ILDR2: variants seen among roughly 807,000 people sequenced by gnomAD.
The protein encoded by ILDR2 is immunoglobulin like domain containing receptor 2, also known as immunoglobulin-like domain-containing receptor 2.
A neutral mutation model predicts 66.8 loss-of-function variants in ILDR2; 25 were observed. That is an observed-to-expected ratio of 0.37 (90% CI 0.27 to 0.52). The LOEUF is 0.52. ILDR2 is among the 20% of genes least tolerant of loss of function. ILDR2 has a pLI of 0.88. For missense variants in ILDR2, 827 were observed against 876.8 expected (o/e 0.94, Z 0.72); for synonymous variants, 367 against 357.2 (o/e 1.03, Z -0.31).
At chr1:166,920,571 G>A (rs1422458290) in intron 9 of ILDR2, 136 bp downstream of exon 9, 6 of 993,804 alleles carry the variant, frequency 6.0e-6, no homozygotes, top group South Asian at 3.1e-5. Flanking sequence ...ACTCGCCCAG[G>A]CAGGCCCCTG....
At chr1:166,965,664 CT>C (rs1662907935) in intron 1 of ILDR2, among the ~76,000 whole-genome samples, 1 of 150,796 alleles carries the variant, frequency 6.6e-6, no homozygotes, top group Admixed American at 6.6e-5. Context: ...CCTCTGTCTC[CT>C]GGGTTCAAGT....
chr1:166,940,104 T>C (rs1342035313), intron 3 of ILDR2, among the ~76,000 whole-genome samples: 2 of 152,206 alleles, frequency 1.3e-5, no homozygotes, highest in African/African-American at 4.8e-5. Flanking sequence ...ACTAGATCAG[T>C]TACACATTCC....
rs1409502877 is a variant in ILDR2 at position 166,908,452 on chromosome 1, A to T, written c.*10903T>A. 1.3e-5 allele frequency: 2 copies of T among 152,206 alleles called. No individual in the cohort carries two copies. Among genetic ancestry groups the T allele is most frequent in the South Asian group, 2.1e-4 (1 of 4,826 alleles). 9.4% of individuals were successfully genotyped at this position (152,206 alleles called of 1,614,324 possible). On this transcript the variant is annotated 3_prime_UTR_variant, in exon 10 of 10. Transcript: ENST00000271417. ...CATGCCCAAATACCATCACATTAGG[A>T]TTAGGATTTTGACATAAAAATTTGG...
chr1:166,921,000 T>C lies in ILDR2; in HGVS notation c.1591A>G (p.Ser531Gly). The C allele has an allele frequency of 6.7e-7, 1 of 1,500,598 alleles. No individual in the cohort carries two copies. Among genetic ancestry groups the C allele is most frequent in the South Asian group, 1.3e-5 (1 of 79,500 alleles). The allele number at this position is 1,500,598 out of a possible 1,614,324, so 93.0% of individuals were successfully genotyped here. ...APKYDHSYLG[S>G]ARERQARPEG... is the part of the protein sequence containing the mutation. Reference sequence around the variant, plus strand: ...GGCCGCGCCTGGCGCTCCCGCGCGCTGCCCAGGTACGAGTGGTCGTATTTG... The same window carrying C: ...GGCCGCGCCTGGCGCTCCCGCGCGCCGCCCAGGTACGAGTGGTCGTATTTG... The change falls in exon 9 of 10, where the codon AGC (serine) becomes GGC (glycine). Residue 531 changes from serine to glycine, a missense_variant. Ser to Gly is a moderately conservative substitution (Grantham distance 56). Coordinates refer to ENST00000271417, the MANE Select transcript of ILDR2 (RefSeq NM_199351.3).
At chr1:166,953,906 G>A (rs977165586) in intron 3 of ILDR2, among the ~76,000 whole-genome samples, 3 of 152,198 alleles carry the variant, frequency 2.0e-5, no homozygotes, top group Non-Finnish European at 4.4e-5. Context: ...ATCTTTAGAT[G>A]TCTCCAGTTG....
intron 1 of ILDR2, among the ~76,000 whole-genome samples, chr1:166,967,021 CCTT>C: frequency 6.6e-6 from 1 of 152,374 alleles, no homozygotes; most frequent in East Asian, 1.9e-4. Flanking sequence ...CTAACCATCT[CCTT>C]CTTCCTTTCA....
intron 6 of ILDR2, among the ~76,000 whole-genome samples, chr1:166,931,326 ATAAGC>A (rs1660628010): frequency 6.6e-6 from 1 of 152,252 alleles, no homozygotes; most frequent in Non-Finnish European, 1.5e-5. Flanking sequence ...TCCTATCTTA[ATAAGC>A]TAAGTAAAGC....
intron 3 of ILDR2, among the ~76,000 whole-genome samples, chr1:166,948,327 C>T (rs1315195368): frequency 6.6e-6 from 1 of 152,168 alleles, no homozygotes; most frequent in Non-Finnish European, 1.5e-5. Context: ...TTAAAAGTCC[C>T]CCCTTTTCAC....
At position 166,909,736 on chromosome 1, in the gene ILDR2, CATATATAT is replaced by C. The variant is rs374479063; in HGVS notation, c.*9611_*9618del. On this transcript the variant is annotated 3_prime_UTR_variant, in exon 10 of 10. Coordinates refer to ENST00000271417, the MANE Select transcript of ILDR2 (RefSeq NM_199351.3). ...ATATATATGTGTGTGTGTATACATA[CATATATAT>C]ATATATATATATATAAATATATATA... 1.1e-3 allele frequency: 109 copies of C among 100,888 alleles called. 2 individuals are homozygous for C. The highest frequency in any genetic ancestry group is 4.3e-3 in the African/African-American group (107 of 24,934). The allele number at this position is 100,888 out of a possible 1,614,324, so 6.2% of individuals were successfully genotyped here.
rs2101841425 is a variant in ILDR2 at position 166,917,924 on chromosome 1, C to A, written c.*1431G>T. The A allele has an allele frequency of 2.0e-5, 3 of 152,298 alleles. No homozygotes were observed. In the Middle Eastern group the frequency reaches 0.01, roughly 518 times the overall value. The allele number at this position is 152,298 out of a possible 1,614,324, so 9.4% of individuals were successfully genotyped here. A position where few individuals can be genotyped will look rare whatever the true frequency, so the allele number is the denominator to read the frequency against. On this transcript the variant is annotated 3_prime_UTR_variant, in exon 10 of 10. Coordinates refer to ENST00000271417, the MANE Select transcript of ILDR2 (RefSeq NM_199351.3). The stretch of plus-strand genomic sequence containing the variant: ...ATGGTAGTTGCAAGGTTCCCAAGAG[C>A]AGCAAAAGAGGACAAGCCCCATGCA...
intron 3 of ILDR2, among the ~76,000 whole-genome samples, chr1:166,950,544 T>C (rs1453589915): frequency 6.6e-6 from 1 of 152,156 alleles, no homozygotes; most frequent in Non-Finnish European, 1.5e-5. Flanking sequence ...CATTTCTGCA[T>C]AGCCTTAAGA....
chr1:166,956,654 G>A (rs1662301080), intron 3 of ILDR2, 79 bp downstream of exon 3: 1 of 1,517,900 alleles, frequency 6.6e-7, no homozygotes. Flanking sequence ...GCACACAGGG[G>A]AGAAGTGAGA....
intron 3 of ILDR2, among the ~76,000 whole-genome samples, chr1:166,947,537 G>A (rs1463678618): frequency 1.3e-5 from 2 of 152,236 alleles, no homozygotes; most frequent in Non-Finnish European, 2.9e-5. Context: ...CCTGAATAGC[G>A]GCAGCTGGCT....
intron 6 of ILDR2, among the ~76,000 whole-genome samples, chr1:166,934,303 CTG>C (rs1250409617): frequency 6.6e-6 from 1 of 152,222 alleles, no homozygotes; most frequent in East Asian, 1.9e-4. Context: ...TATTTCAATT[CTG>C]TCTTATGATC....
chr1:166,896,545 G>GATATAT lies in ILDR2; in HGVS notation n.172-450_172-445dup, dbSNP rs3076028. Among the ~76,000 whole-genome samples, 61 of 146,528 alleles carry GATATAT rather than the reference G, an allele frequency of 4.2e-4. 1 individual carries two copies. The highest frequency in any genetic ancestry group is 1.2e-3 in the Admixed American group (17 of 14,662). On this transcript the variant is annotated intron_variant and non_coding_transcript_variant, in intron 2 of 2. Coordinates refer to the ILDR2 transcript ENST00000414590. The stretch of plus-strand genomic sequence containing the variant: ...TCATGTAAAGTCAAAAATGGAAACA[G>GATATAT]ATATATATATATATATATATCTCAT...
At chr1:166,951,722 A>C (rs1040001584) in intron 3 of ILDR2, among the ~76,000 whole-genome samples, 3 of 152,236 alleles carry the variant, frequency 2.0e-5, no homozygotes, top group African/African-American at 7.2e-5. Context: ...TCTTTTAAAT[A>C]AAGCCAGAAT....
At position 166,936,808 on chromosome 1, in the gene ILDR2, A is replaced by AT. The variant is rs1661011192; in HGVS notation, c.557-72dup. 6.7e-7 allele frequency: 1 copy of AT among 1,488,514 alleles called. No homozygotes were observed. The highest frequency in any genetic ancestry group is 1.4e-5 in the African/African-American group (1 of 72,326). 92.2% of individuals were successfully genotyped at this position (1,488,514 alleles called of 1,614,324 possible). A position where few individuals can be genotyped will look rare whatever the true frequency, so the allele number is the denominator to read the frequency against. On this transcript the variant is annotated intron_variant, in intron 4 of 9. Transcript: ENST00000271417. This position sits in a 1 kb window ranked among gnomAD's most constrained non-coding sequence, Gnocchi z 5.0. ...CAGGGCAGGGTGCACTTTGATTGGCATCTCCCGGTGAAAGGGGGAGAGGAG... is the reference window on the plus strand; with the variant it reads ...CAGGGCAGGGTGCACTTTGATTGGCATTCTCCCGGTGAAAGGGGGAGAGGAG...
In ILDR2 at chr1:166,918,302, A is replaced by T. The variant is rs1158661521; in HGVS notation, c.*1053T>A. On this transcript the variant is annotated 3_prime_UTR_variant, in exon 10 of 10. Transcript: ENST00000271417. ...GAATGGCAGAACTGGGATGGCAGAA[A>T]CAATTAACGGCAAGTGAAGCACAAA... 6.6e-6 allele frequency: 1 copy of T among 152,222 alleles called. No homozygotes were observed. Among genetic ancestry groups the T allele is most frequent in the Non-Finnish European group, 1.5e-5 (1 of 68,042 alleles). 9.4% of individuals were successfully genotyped at this position (152,222 alleles called of 1,614,324 possible). A position where few individuals can be genotyped will look rare whatever the true frequency, so the allele number is the denominator to read the frequency against.
rs1659697382 is a variant in ILDR2 at position 166,917,712 on chromosome 1, T to G, written c.*1643A>C. On this transcript the variant is annotated 3_prime_UTR_variant, in exon 10 of 10. Coordinates refer to ENST00000271417, the MANE Select transcript of ILDR2 (RefSeq NM_199351.3). ...AAATGAACATAAAGAATGCACCAAC[T>G]TCTCACGCCTCGAGTAGGAATCAGA... The G allele has an allele frequency of 6.6e-6, 1 of 152,240 alleles. No homozygotes were observed. The highest frequency in any genetic ancestry group is 1.5e-5 in the Non-Finnish European group (1 of 68,066). 9.4% of individuals were successfully genotyped at this position (152,240 alleles called of 1,614,324 possible).
Sources: allele counts gnomAD v4.1 joint callset (sites outside exome capture counted in the v4.1 genomes callset), GRCh38; gene constraint gnomAD v4.1.1; non-coding constraint Gnocchi (gnomAD v3.1); transcripts MANE v1.5; gene names NCBI Gene and HGNC (gene_info 2026-07-23, HGNC 2026-07-21).